Variants in DGKD observed in about 807,000 individuals in gnomAD.
DGKD encodes DAG kinase delta.
A neutral mutation model predicts 154.4 loss-of-function variants in DGKD; 68 were observed. The observed-to-expected ratio is 0.44, with a 90% CI of 0.36 to 0.54. The LOEUF (loss-of-function observed/expected upper bound fraction) is 0.54, where lower values mean the gene tolerates loss of function less well. DGKD is among the 20% of genes least tolerant of loss of function. The pLI, the probability that DGKD is intolerant of heterozygous loss-of-function variation, is 0.00. For synonymous variants in DGKD, 693 were observed against 638.0 expected (o/e 1.09, Z -1.30); for missense variants, 1,343 against 1,593.6 (o/e 0.84, Z 2.68).
chr2:233,434,717 A>G, intron 4 of DGKD, 52 bp from the exon 5 acceptor site: 1 of 1,580,648 alleles, frequency 6.3e-7, no homozygotes, highest in Non-Finnish European at 8.6e-7. Context: ...TACTGCATTT[A>G]ACAATTTAAA....
Position 233,435,898 on chromosome 2 carries a change from A to G in DGKD, c.667A>G (p.Lys223Glu), listed in dbSNP as rs1181891783. The G allele has an allele frequency of 3.1e-6, 5 of 1,611,248 alleles. No homozygotes were observed. The highest frequency in any genetic ancestry group is 4.2e-6 in the Non-Finnish European group (5 of 1,178,764). The change falls in exon 6 of 30, where the codon AAG becomes GAG. Residue 223 changes from lysine to glutamate, a missense_variant. Physicochemically the swap from Lys to Glu is moderately conservative, Grantham distance 56 (BLOSUM62 1). Coordinates refer to ENST00000264057, the MANE Select transcript of DGKD (RefSeq NM_152879.3). ...GTGGACCACACTGGCCTCGATCGGG[A>G]AGGACATCATTGAAGATGCAGATGG... ...CKWTTLASIGKDIIEDADGIA... is the reference protein window; with the variant it reads ...CKWTTLASIGEDIIEDADGIA...
At chr2:233,367,023 A>G (rs1574981763) in intron 1 of DGKD, among the ~76,000 whole-genome samples, 1 of 152,136 alleles carries the variant, frequency 6.6e-6, no homozygotes, top group East Asian at 1.9e-4. Flanking sequence ...ATCATTTTCA[A>G]ATTTCCCCAG....
chr2:233,436,441 G>T lies in DGKD; in HGVS notation c.819G>T (p.Met273Ile). ...GGCGCTGCCTCTGGTGCAAGGCCATGGTGAGTGTGGGCCCTGCGCCCGGGC... is the reference window on the plus strand; with the variant it reads ...GGCGCTGCCTCTGGTGCAAGGCCATTGTGAGTGTGGGCCCTGCGCCCGGGC... ...QDWRCLWCKAMVHTSCKESLL... is the reference protein window; with the variant it reads ...QDWRCLWCKAIVHTSCKESLL... Residue 273 changes from methionine to isoleucine, a missense_variant and splice_region_variant, in exon 7 of 30, where the codon ATG becomes ATT. Met to Ile is a conservative substitution (Grantham distance 10). Coordinates refer to ENST00000264057, the MANE Select transcript of DGKD (RefSeq NM_152879.3). 6.2e-7 allele frequency: 1 copy of T among 1,612,074 alleles called. No individual in the cohort carries two copies. Among genetic ancestry groups the T allele is most frequent in the South Asian group, 1.1e-5 (1 of 91,020 alleles).
chr2:233,449,018 T>A lies in DGKD; in HGVS notation c.1615-85T>A, dbSNP rs995691725. 4.1e-6 allele frequency: 6 copies of A among 1,471,466 alleles called. No homozygotes were observed. The African/African-American group carries it at 7.0e-5, about 17-fold the overall frequency. The allele number at this position is 1,471,466 out of a possible 1,614,324, so 91.2% of individuals were successfully genotyped here. A position where few individuals can be genotyped will look rare whatever the true frequency, so the allele number is the denominator to read the frequency against. On this transcript the variant is annotated intron_variant, in intron 14 of 29. Coordinates refer to ENST00000264057, the MANE Select transcript of DGKD (RefSeq NM_152879.3). The surrounding 1 kb of genome is among the most constrained non-coding windows in gnomAD (Gnocchi z 5.3). The stretch of plus-strand genomic sequence containing the variant: ...TTCCTTTTGATCGAGTTCTAGGAAG[T>A]CTGGGTGAAATGGCCTGAGGTTCCC...
At chr2:233,408,771 A>T (rs2061748766) in intron 3 of DGKD, 1 of 152,310 alleles carries the variant, frequency 6.6e-6, no homozygotes, top group Admixed American at 6.5e-5. Context: ...ACAGCAGTGC[A>T]GGCCTGCGGG....
chr2:233,366,931 G>A (rs1001914252), intron 1 of DGKD, among the ~76,000 whole-genome samples: 3 of 152,158 alleles, frequency 2.0e-5, no homozygotes, highest in African/African-American at 7.2e-5. Context: ...ATACCTCAGT[G>A]TATGTCTCCA....
intron 6 of DGKD, 139 bp from the exon 7 acceptor site, chr2:233,436,177 T>C (rs1340319302): frequency 9.2e-6 from 13 of 1,407,022 alleles, no homozygotes; most frequent in Non-Finnish European, 1.2e-5. Context: ...GGCCCTGCCA[T>C]CCCTTCCCTC....
rs2063757057 is a variant in DGKD at position 233,464,204 on chromosome 2, T to G, written c.3227T>G (p.Leu1076Arg). Residue 1076 changes from leucine (L) to arginine (R), a missense_variant, in exon 27 of 30, where the codon CTT becomes CGT. Physicochemically the swap from Leu to Arg is moderately radical, Grantham distance 102 (BLOSUM62 -2). Transcript: ENST00000264057. ...CAGAAGGAGCAGCTGGGGAGTGCTC[T>G]TGCCGAGATGGACCGACAGCTCAGG... ...PPQKEQLGSALAEMDRQLRRL... is the reference protein window; with the variant it reads ...PPQKEQLGSARAEMDRQLRRL... 1 of 1,613,522 alleles carries G rather than the reference T, an allele frequency of 6.2e-7. No individual in the cohort carries two copies. Among genetic ancestry groups the G allele is most frequent in the Non-Finnish European group, 8.5e-7 (1 of 1,180,034 alleles).
Position 233,436,436 on chromosome 2 carries a change from G to A in DGKD, c.814G>A (p.Ala272Thr), listed in dbSNP as rs1343549015. ...GGACTGGCGCTGCCTCTGGTGCAAG[G>A]CCATGGTGAGTGTGGGCCCTGCGCC... ...LQDWRCLWCKAMVHTSCKESL... is the reference protein window; with the variant it reads ...LQDWRCLWCKTMVHTSCKESL... Residue 272 changes from alanine (A) to threonine (T), a missense_variant, in exon 7 of 30, where the codon GCC (alanine) becomes ACC (threonine). Around this residue, in one of 6 missense-constraint regions of DGKD, gnomAD observed 332 missense variants for 400.1 expected, o/e 0.83. Transcript: ENST00000264057. 6.2e-7 allele frequency: 1 copy of A among 1,612,538 alleles called. No homozygotes were observed. The highest frequency in any genetic ancestry group is 2.2e-5 in the East Asian group (1 of 44,874).
intron 16 of DGKD, 32 bp from the exon 17 acceptor site, chr2:233,450,890 C>G: frequency 6.3e-7 from 1 of 1,581,446 alleles, no homozygotes; most frequent in Non-Finnish European, 8.7e-7. Flanking sequence ...CTATTCCACA[C>G]AGCTGTAAGG....
At chr2:233,447,405 T>C in intron 12 of DGKD, 1 of 913,032 alleles carries the variant, frequency 1.1e-6, no homozygotes, top group South Asian at 5.0e-5. Context: ...AGGTGAGCTT[T>C]TGTCAGGGGC....
At chr2:233,397,012 T>G (rs984406745) in intron 3 of DGKD, among the ~76,000 whole-genome samples, 4 of 3,342 alleles carry the variant, frequency 1.2e-3, no homozygotes, top group Non-Finnish European at 2.0e-3. Flanking sequence ...GGGACCAGGG[T>G]GGCTGGGGGG....
At chr2:233,463,469 C>A in intron 26 of DGKD, among the ~76,000 whole-genome samples, 1 of 114,614 alleles carries the variant, frequency 8.7e-6, no homozygotes, top group East Asian at 2.4e-4. Context: ...CGCATGTCCT[C>A]ACTGCACGCA....
In DGKD at chr2:233,445,807, G is replaced by A; in HGVS notation, c.1334+45G>A. On this transcript the variant is annotated intron_variant, in intron 11 of 29. Transcript: ENST00000264057. This position sits in a 1 kb window ranked among gnomAD's most constrained non-coding sequence, Gnocchi z 5.5. ...GGTGCCGTATGAGGAGACTTTGAGA[G>A]ACAGGTCCCTTTGACCAGGTGTTCT... 1 of 1,543,498 alleles carries A rather than the reference G, an allele frequency of 6.5e-7. No individual in the cohort carries two copies.
At chr2:233,409,486 G>A (rs1003068479) in intron 3 of DGKD, among the ~76,000 whole-genome samples, 1 of 150,914 alleles carries the variant, frequency 6.6e-6, no homozygotes, top group Non-Finnish European at 1.5e-5. Flanking sequence ...CGGTGTGATT[G>A]AGCCAAGTTC....
intron 27 of DGKD, 113 bp from the exon 28 acceptor site, chr2:233,466,973 C>CGGG: frequency 6.3e-6 from 5 of 791,180 alleles, no homozygotes; most frequent in Non-Finnish European, 1.1e-5. Context: ...AGGTCTTTCC[C>CGGG]AGCTCCCGCT....
rs1306651062 is a variant in DGKD at position 233,438,040 on chromosome 2, G to A, written c.923-177G>A. Among the ~76,000 whole-genome samples the A allele has an allele frequency of 3.9e-5, 6 of 152,148 alleles. No individual in the cohort carries two copies. Among genetic ancestry groups the A allele is most frequent in the Admixed American group, 6.5e-5 (1 of 15,270 alleles). On this transcript the variant is annotated intron_variant, in intron 8 of 29. Coordinates refer to ENST00000264057, the MANE Select transcript of DGKD (RefSeq NM_152879.3). This position sits in a 1 kb window ranked among gnomAD's most constrained non-coding sequence, Gnocchi z 4.1. Reference sequence around the variant, plus strand: ...TGGAGGTCAGATGGATGGGGCTCCCGGCCTCACACATGGAGACCGGCTGTG... The same window carrying A: ...TGGAGGTCAGATGGATGGGGCTCCCAGCCTCACACATGGAGACCGGCTGTG...
intron 1 of DGKD, among the ~76,000 whole-genome samples, chr2:233,378,411 CAA>C (rs373116594): frequency 1.0e-4 from 12 of 118,670 alleles, no homozygotes; most frequent in Admixed American, 9.0e-5. Context: ...GACTCCATCT[CAA>C]AAAAAAAAAA....
chr2:233,426,147 A>G (rs768764225), intron 3 of DGKD, among the ~76,000 whole-genome samples: 9 of 152,204 alleles, frequency 5.9e-5, no homozygotes, highest in Non-Finnish European at 8.8e-5. Context: ...TCCATTTCTA[A>G]CACTGTTTTA....
Sources: gnomAD v4.1 joint callset for allele counts (sites outside exome capture counted in the v4.1 genomes callset) on GRCh38, gnomAD v4.1.1 for gene constraint, gnomAD v4.1.1 regional missense constraint, Gnocchi (gnomAD v3.1) non-coding constraint, MANE v1.5 for transcripts, NCBI Gene and HGNC (gene_info 2026-07-23, HGNC 2026-07-21) for gene names.